The following SOX5 variants were observed in gnomAD, a reference collection of about 807,000 sequenced individuals.
SOX5 encodes the protein SRY-box transcription factor 5.
Under a neutral mutation model 92.0 loss-of-function variants are expected in SOX5, and 9 were observed. That is an observed-to-expected ratio of 0.10 (90% CI 0.06 to 0.17). The LOEUF (loss-of-function observed/expected upper bound fraction) is 0.17, where lower values mean the gene tolerates loss of function less well. Ranked by LOEUF, SOX5 falls within the 10% of genes least tolerant of loss-of-function variation. The pLI is 1.00. For synonymous variants in SOX5, 344 were observed against 336.3 expected (o/e 1.02, Z -0.25); for missense variants, 642 against 944.5 (o/e 0.68, Z 4.20).
chr12:24,446,696 C>G (rs765322179), intron 1 of SOX5, among the ~76,000 whole-genome samples: 6 of 152,110 alleles, frequency 3.9e-5, no homozygotes, highest in Non-Finnish European at 8.8e-5. Flanking sequence ...GTCATTGCCA[C>G]AGAGCAGGCA....
At chr12:24,282,413 T>A (rs1595135954) in intron 2 of SOX5, among the ~76,000 whole-genome samples, 1 of 149,536 alleles carries the variant, frequency 6.7e-6, no homozygotes. Flanking sequence ...TCAATATTCA[T>A]CAGAAAAAAA....
intron 2 of SOX5, among the ~76,000 whole-genome samples, chr12:24,351,474 T>C (rs1954077347): frequency 6.6e-6 from 1 of 152,244 alleles, no homozygotes; most frequent in East Asian, 1.9e-4. Context: ...CTGAAATCTT[T>C]CTAAGAGGCA....
At chr12:23,709,726 T>C (rs1011867153) in intron 6 of SOX5, among the ~76,000 whole-genome samples, 10 of 152,210 alleles carry the variant, frequency 6.6e-5, no homozygotes, top group African/African-American at 2.2e-4. Context: ...TGGTATGTGT[T>C]TGTGTTTCTG....
intron 11 of SOX5, among the ~76,000 whole-genome samples, chr12:23,547,894 C>T (rs1443768309): frequency 6.6e-6 from 1 of 151,994 alleles, no homozygotes; most frequent in Non-Finnish European, 1.5e-5. Flanking sequence ...TTTTGGATGT[C>T]TTTTGCTGAG....
chr12:24,114,964 T>G (rs989778927), intron 4 of SOX5, among the ~76,000 whole-genome samples: 6 of 151,980 alleles, frequency 3.9e-5, no homozygotes, highest in Non-Finnish European at 8.8e-5. Context: ...TAATATTCTA[T>G]GAAAATGAAG....
chr12:23,979,627 T>TTAA (rs1467594574), intron 4 of SOX5, among the ~76,000 whole-genome samples: 1 of 150,464 alleles, frequency 6.6e-6, no homozygotes, highest in Non-Finnish European at 1.5e-5. Flanking sequence ...TTTTTGATGA[T>TTAA]TAATTTTCCC....
intron 2 of SOX5, among the ~76,000 whole-genome samples, chr12:24,311,860 T>G (rs1453798251): frequency 6.6e-6 from 1 of 152,208 alleles, no homozygotes; most frequent in Admixed American, 6.6e-5. Flanking sequence ...AAGTATAATG[T>G]CTGTGAGGTT....
In SOX5 at chr12:24,393,211, A is replaced by G. The variant is rs1194008722; in HGVS notation, c.-250-24572T>C. ...GCCTGGGGCAGCCTGGGGCTGATGG[A>G]TGATGACAGCTAGCAGACAAATCCT... is the stretch of plus-strand genomic sequence containing the variant. On this transcript the variant is annotated intron_variant, in intron 1 of 4. Transcript: ENST00000446891. This position sits in a 1 kb window ranked among gnomAD's most constrained non-coding sequence, Gnocchi z 5.0. Among the ~76,000 whole-genome samples the G allele has an allele frequency of 6.6e-6, 1 of 152,236 alleles. No individual in the cohort carries two copies. The highest frequency in any genetic ancestry group is 1.5e-5 in the Non-Finnish European group (1 of 68,046).
At chr12:24,354,277 A>G (rs1165579088) in intron 2 of SOX5, among the ~76,000 whole-genome samples, 4 of 152,224 alleles carry the variant, frequency 2.6e-5, no homozygotes, top group Non-Finnish European at 5.9e-5. Flanking sequence ...AAACAAACAA[A>G]AAACAAAACA....
chr12:24,150,910 G>T (rs1242422637), intron 4 of SOX5, among the ~76,000 whole-genome samples: 1 of 151,948 alleles, frequency 6.6e-6, no homozygotes, highest in African/African-American at 2.4e-5. Context: ...ATTGATCAAT[G>T]AAACAAAGGC....
chr12:24,074,630 C>CAAAAAAAAAAAAAAAAAAA lies in SOX5; in HGVS notation c.-2+138694_-2+138712dup, dbSNP rs76320418. Among the ~76,000 whole-genome samples the CAAAAAAAAAAAAAAAAAAA allele has an allele frequency of 2.5e-4, 13 of 51,274 alleles. 1 individual carries two copies. The highest frequency in any genetic ancestry group is 4.2e-4 in the Non-Finnish European group (12 of 28,716). The allele number at this position is 51,274 out of a possible 152,430, so 33.6% of individuals were successfully genotyped here. Reference sequence around the variant, plus strand: ...CTTAGTGTTTATTTCTGTAAACTACCAAAAAAAAAAAAAAAAAAAAAAAGC... The same window carrying CAAAAAAAAAAAAAAAAAAA: ...CTTAGTGTTTATTTCTGTAAACTACCAAAAAAAAAAAAAAAAAAAAAAAAAAAAAAAAAAAAAAAAAAGC... On this transcript the variant is annotated intron_variant, in intron 4 of 4. Coordinates refer to the SOX5 transcript ENST00000446891.
intron 6 of SOX5, among the ~76,000 whole-genome samples, chr12:23,694,878 G>A (rs1232944016): frequency 6.6e-6 from 1 of 152,078 alleles, no homozygotes; most frequent in African/African-American, 2.4e-5. Context: ...CAGCACTTTG[G>A]GAGGCCAAGG....
At chr12:24,172,635 T>C (rs1954336352) in intron 4 of SOX5, among the ~76,000 whole-genome samples, 1 of 152,158 alleles carries the variant, frequency 6.6e-6, no homozygotes, top group Non-Finnish European at 1.5e-5. Context: ...AGAAGTGTTG[T>C]TCACAGCAAC....
chr12:24,332,651 G>A (rs1434409593), intron 2 of SOX5, among the ~76,000 whole-genome samples: 2 of 152,072 alleles, frequency 1.3e-5, no homozygotes, highest in African/African-American at 4.8e-5. Flanking sequence ...AAAGTATACA[G>A]GGAAGAGGAA....
At chr12:24,074,430 T>C (rs547354504) in intron 4 of SOX5, among the ~76,000 whole-genome samples, 1 of 152,096 alleles carries the variant, frequency 6.6e-6, no homozygotes, top group African/African-American at 2.4e-5. Flanking sequence ...GCAATGATTA[T>C]AAAAACTAAC....
chr12:24,043,149 A>T (rs1057496195), intron 4 of SOX5, among the ~76,000 whole-genome samples: 2 of 152,212 alleles, frequency 1.3e-5, no homozygotes, highest in African/African-American at 4.8e-5. Context: ...TCTGGTTCAT[A>T]AATTTCCTGT....
chr12:23,719,546 G>C (rs1239727157), intron 6 of SOX5, among the ~76,000 whole-genome samples: 1 of 152,030 alleles, frequency 6.6e-6, no homozygotes, highest in African/African-American at 2.4e-5. Flanking sequence ...AGAAGTTTGA[G>C]ACCAGCCTGG....
intron 8 of SOX5, among the ~76,000 whole-genome samples, chr12:23,634,473 G>C (rs2078962095): frequency 6.6e-6 from 1 of 151,948 alleles, no homozygotes; most frequent in South Asian, 2.1e-4. Context: ...CCATGCAGAG[G>C]AAAGAGCTAG....
At chr12:23,605,919 T>C (rs955529715) in intron 8 of SOX5, among the ~76,000 whole-genome samples, 3 of 152,036 alleles carry the variant, frequency 2.0e-5, no homozygotes, top group Admixed American at 1.3e-4. Flanking sequence ...ATATTAATAA[T>C]TGTCTCATAA....
Sources: gnomAD v4.1 joint callset for allele counts (sites outside exome capture counted in the v4.1 genomes callset) on GRCh38, gnomAD v4.1.1 for gene constraint, Gnocchi (gnomAD v3.1) non-coding constraint, MANE v1.5 for transcripts, NCBI Gene and HGNC (gene_info 2026-07-23, HGNC 2026-07-21) for gene names.